Variants in SHC2 observed in about 807,000 individuals in gnomAD.
SHC2 encodes SHC-transforming protein 2.
Under a neutral mutation model 60.6 loss-of-function variants are expected in SHC2, and 62 were observed. The observed-to-expected ratio is 1.02, with a 90% CI of 0.83 to 1.26. The LOEUF (loss-of-function observed/expected upper bound fraction) is 1.26. Ranked by LOEUF, SHC2 falls within the 50% of genes most tolerant of loss-of-function variation. The pLI is 0.00. For missense variants in SHC2, 873 were observed against 822.2 expected, an observed-to-expected ratio of 1.06 and a Z score of -0.76; for synonymous variants, 375 against 372.4, an observed-to-expected ratio of 1.01 and a Z score of -0.08.
At chr19:435,010 C>T (rs1467156800) in intron 7 of SHC2, 145 bp from the exon 8 acceptor site, 4 of 773,950 alleles carry the variant, frequency 5.2e-6, no homozygotes, top group Non-Finnish European at 6.0e-6. Context: ...CCGGGAAACG[C>T]TTCTAGAGCC....
At chr19:426,117 G>C (rs920546377) in intron 9 of SHC2, among the ~76,000 whole-genome samples, 1 of 152,000 alleles carries the variant, frequency 6.6e-6, no homozygotes, top group African/African-American at 2.4e-5. Flanking sequence ...GAGCTGCCTG[G>C]ACCCCATGTG....
chr19:442,352 T>G (rs1374514154), intron 1 of SHC2, among the ~76,000 whole-genome samples: 12 of 88,438 alleles, frequency 1.4e-4, no homozygotes, highest in Admixed American at 2.4e-4. Flanking sequence ...GGATGGAGGG[T>G]GGAAGGATGG....
chr19:454,555 G>A (rs1975286071), intron 1 of SHC2, among the ~76,000 whole-genome samples: 2 of 152,240 alleles, frequency 1.3e-5, no homozygotes, highest in African/African-American at 4.8e-5. Context: ...GGGAGGCGCA[G>A]GCGGGCGGAT....
intron 9 of SHC2, among the ~76,000 whole-genome samples, chr19:427,537 T>C (rs557832613): frequency 9.7e-4 from 106 of 108,776 alleles, no homozygotes; most frequent in African/African-American, 3.7e-3. Flanking sequence ...GGAAGGGGAA[T>C]TGCGCACGGC....
chr19:429,896 C>T (rs975146698), intron 9 of SHC2, among the ~76,000 whole-genome samples: 8 of 147,848 alleles, frequency 5.4e-5, no homozygotes, highest in Non-Finnish European at 1.0e-4. Flanking sequence ...ATCCAACGTG[C>T]AGAGAAACCT....
chr19:422,836 G>T lies in SHC2; in HGVS notation c.1310-380C>A. 1 of 185,954 alleles carries T rather than the reference G, an allele frequency of 5.4e-6. No homozygotes were observed. Among genetic ancestry groups the T allele is most frequent in the Non-Finnish European group, 1.1e-5 (1 of 90,436 alleles). The allele number at this position is 185,954 out of a possible 1,614,324, so 11.5% of individuals were successfully genotyped here. On this transcript the variant is annotated intron_variant, in intron 10 of 12. Transcript: ENST00000264554. This position sits in a 1 kb window ranked among gnomAD's most constrained non-coding sequence, Gnocchi z 5.0. ...CTGCATTGGCCGCGGGGCCTCCAATGTGCCCTAAATACTCAAGACGACAGC... is the reference window on the plus strand; with the variant it reads ...CTGCATTGGCCGCGGGGCCTCCAATTTGCCCTAAATACTCAAGACGACAGC...
rs1217649000 is a variant in SHC2 at position 438,775 on chromosome 19, G to A, written c.663C>T (p.Ser221=). Reference sequence around the variant, plus strand: ...CATCAGTGGAGATGTGGATGGAGATGCTCATGCCGGCAAAGCGAAGGTTGC... The same window carrying A: ...CATCAGTGGAGATGTGGATGGAGATACTCATGCCGGCAAAGCGAAGGTTGC... ...GKSNLRFAGM[S]ISIHISTDGL... The change falls in exon 4 of 13, where the codon AGC becomes AGT. Residue 221 remains serine, a synonymous_variant. Transcript: ENST00000264554. The surrounding 1 kb of genome is among the most constrained non-coding windows in gnomAD (Gnocchi z 5.0). 6.3e-7 allele frequency: 1 copy of A among 1,575,472 alleles called. No homozygotes were observed. The highest frequency in any genetic ancestry group is 8.6e-7 in the Non-Finnish European group (1 of 1,161,946).
chr19:427,899 C>A (rs1286207810), intron 9 of SHC2, among the ~76,000 whole-genome samples: 2 of 142,756 alleles, frequency 1.4e-5, no homozygotes, highest in Non-Finnish European at 3.0e-5. Flanking sequence ...CTGCACACGG[C>A]GCAGGGAAGG....
intron 1 of SHC2, among the ~76,000 whole-genome samples, chr19:451,261 CGTGGCTGTGCTGT>C (rs1975187341): frequency 7.0e-6 from 1 of 141,852 alleles, no homozygotes; most frequent in Non-Finnish European, 1.6e-5. Flanking sequence ...ATGGCCACGC[CGTGGCTGTGCTGT>C]ATTTCAGCAT....
At chr19:451,228 CCACGTCATATTTCAG>C (rs1301816263) in intron 1 of SHC2, among the ~76,000 whole-genome samples, 1 of 103,764 alleles carries the variant, frequency 9.6e-6, no homozygotes, top group African/African-American at 2.9e-5. Context: ...CACGCCGTGG[CCACGTCATATTTCAG>C]TGTGTGGATG....
At chr19:444,244 A>C (rs1323143634) in intron 1 of SHC2, among the ~76,000 whole-genome samples, 2 of 152,084 alleles carry the variant, frequency 1.3e-5, no homozygotes, top group African/African-American at 4.8e-5. Flanking sequence ...GTCATACCTA[A>C]AGGAATTAGC....
chr19:439,274 C>T (rs1974799333), intron 2 of SHC2: 2 of 571,810 alleles, frequency 3.5e-6, no homozygotes, highest in Non-Finnish European at 6.2e-6. Flanking sequence ...AGCTTGGGCA[C>T]CAGCCCACTC....
At position 436,691 on chromosome 19, in the gene SHC2, G is replaced by T; in HGVS notation, c.721-8C>A. ...GTGGTGGTTGGCGATGACCTGTGGC[G>T]GCAGGAGGCACACGCGGTCATGGGG... On this transcript the variant is annotated splice_region_variant and splice_polypyrimidine_tract_variant and intron_variant, in intron 4 of 12. Coordinates refer to ENST00000264554, the MANE Select transcript of SHC2 (RefSeq NM_012435.3). 3 of 1,602,590 alleles carry T rather than the reference G, an allele frequency of 1.9e-6. No homozygotes were observed. Among genetic ancestry groups the T allele is most frequent in the Non-Finnish European group, 1.7e-6 (2 of 1,178,906 alleles).
intron 1 of SHC2, among the ~76,000 whole-genome samples, chr19:454,978 C>T (rs1975302549): frequency 6.6e-6 from 1 of 152,194 alleles, no homozygotes; most frequent in Admixed American, 6.5e-5. Context: ...GTCCCGCGTC[C>T]TTCTCTCTGT....
intron 11 of SHC2, among the ~76,000 whole-genome samples, chr19:420,160 C>T (rs1974234773): frequency 6.6e-6 from 1 of 152,188 alleles, no homozygotes; most frequent in East Asian, 1.9e-4. Flanking sequence ...AAAATCTGGC[C>T]TGGGAAAGAA....
At chr19:452,485 TCG>T (rs1975225598) in intron 1 of SHC2, among the ~76,000 whole-genome samples, 1 of 130,156 alleles carries the variant, frequency 7.7e-6, no homozygotes, top group Non-Finnish European at 1.6e-5. Context: ...GGTTGGGGCA[TCG>T]TACTGACTTG....
At chr19:430,290 G>A (rs140063342) in intron 9 of SHC2, among the ~76,000 whole-genome samples, 4,719 of 145,324 alleles carry the variant, frequency 0.032, 128 homozygotes, top group Non-Finnish European at 0.051. Context: ...ATACCCCAAC[G>A]TGCACAGAAA....
At position 453,404 on chromosome 19, in the gene SHC2, G is replaced by C. The variant is rs1975249358; in HGVS notation, c.468+7125C>G. ...CCTGCCTCAGTCTCCCACATAGCCG[G>C]GACCACAGGTGTGCACCACCCTGCC... On this transcript the variant is annotated intron_variant, in intron 1 of 12. Coordinates refer to ENST00000264554, the MANE Select transcript of SHC2 (RefSeq NM_012435.3). This position sits in a 1 kb window ranked among gnomAD's most constrained non-coding sequence, Gnocchi z 6.3. Among the ~76,000 whole-genome samples, 1 of 152,108 alleles carries C rather than the reference G, an allele frequency of 6.6e-6. No homozygotes were observed. The highest frequency in any genetic ancestry group is 6.5e-5 in the Admixed American group (1 of 15,274).
At position 460,684 on chromosome 19, in the gene SHC2, G is replaced by C; in HGVS notation, c.313C>G (p.Arg105Gly). The change falls in exon 1 of 13, where the codon CGG becomes GGG. Residue 105 changes from arginine (R) to glycine (G), a missense_variant. Transcript: ENST00000264554. ...GCCCCCCGCCCGCCCCGCGACCCCC[G>C]CGACCCCGCGCCCCGACAGCGGCTG... ...ALSRCRGAGS[R>G]GSRGGRGAAG... is the part of the protein sequence containing the mutation. The C allele has an allele frequency of 9.6e-7, 1 of 1,044,012 alleles. No homozygotes were observed. The highest frequency in any genetic ancestry group is 1.1e-6 in the Non-Finnish European group (1 of 873,302). The allele number at this position is 1,044,012 out of a possible 1,614,324, so 64.7% of individuals were successfully genotyped here.
Sources: gnomAD v4.1 joint callset for allele counts (sites outside exome capture counted in the v4.1 genomes callset) on GRCh38, gnomAD v4.1.1 for gene constraint, Gnocchi (gnomAD v3.1) non-coding constraint, MANE v1.5 for transcripts, NCBI Gene and HGNC (gene_info 2026-07-23, HGNC 2026-07-21) for gene names.